Variants in TEX9 observed in about 807,000 individuals in gnomAD.
TEX9 encodes testis-expressed protein 9.
Under a neutral mutation model 59.6 loss-of-function variants are expected in TEX9, and 74 were observed. The observed-to-expected ratio is 1.24, with a 90% CI of 1.03 to 1.51. The LOEUF is 1.51. Among genes scored for constraint, TEX9 ranks in the 40% most tolerant of loss-of-function variants. The pLI is 0.00. For synonymous variants in TEX9, 186 were observed against 152.2 expected (o/e 1.22, Z -1.64); for missense variants, 522 against 447.8 (o/e 1.17, Z -1.49).
chr15:56,361,667 G>A (rs772982299), upstream of TEX9, among the ~76,000 whole-genome samples: 8 of 152,100 alleles, frequency 5.3e-5, no homozygotes, highest in Non-Finnish European at 8.8e-5. Context: ...CTTTACAGAT[G>A]TAATCACGTT....
At chr15:56,271,146 G>A (rs553857298) in intron 1 of TEX9, among the ~76,000 whole-genome samples, 1 of 152,154 alleles carries the variant, frequency 6.6e-6, no homozygotes, top group Non-Finnish European at 1.5e-5. Flanking sequence ...TATCTTTGTG[G>A]TGGTCTCTGT....
chr15:56,444,598 C>T (rs532301407), intron 12 of TEX9: 1 of 1,613,038 alleles, frequency 6.2e-7, no homozygotes, highest in Admixed American at 1.7e-5. Flanking sequence ...TTTCGTTTGT[C>T]TTCTGCAGCA....
chr15:56,394,345 C>A, intron 8 of TEX9, 98 bp downstream of exon 8: 1 of 1,081,046 alleles, frequency 9.3e-7, no homozygotes, highest in East Asian at 2.7e-5. Flanking sequence ...AGATATAAAT[C>A]ATAGTTAAAT....
intron 1 of TEX9, among the ~76,000 whole-genome samples, chr15:56,269,445 T>A (rs2044470107): frequency 6.6e-6 from 1 of 152,176 alleles, no homozygotes; most frequent in South Asian, 2.1e-4. Context: ...TCCTGCTTTC[T>A]CTTGTGGGCA....
At chr15:56,271,517 T>C (rs1173892490) in intron 1 of TEX9, among the ~76,000 whole-genome samples, 1 of 152,148 alleles carries the variant, frequency 6.6e-6, no homozygotes, top group East Asian at 1.9e-4. Context: ...CAGGCTGGTC[T>C]CAAACTCTTG....
At chr15:56,300,586 G>A (rs1030468323) in intron 1 of TEX9, among the ~76,000 whole-genome samples, 3 of 152,084 alleles carry the variant, frequency 2.0e-5, no homozygotes, top group Non-Finnish European at 2.9e-5. Flanking sequence ...CCCTGTGTGA[G>A]ACCCAGTATT....
At chr15:56,307,628 G>T (rs2045514148) in intron 1 of TEX9, among the ~76,000 whole-genome samples, 2 of 152,168 alleles carry the variant, frequency 1.3e-5, no homozygotes, top group African/African-American at 2.4e-5. Flanking sequence ...ATCATTCAAT[G>T]CAGTGGTTTT....
At chr15:56,249,515 G>A in intron 1 of TEX9, among the ~76,000 whole-genome samples, 1 of 151,764 alleles carries the variant, frequency 6.6e-6, no homozygotes, top group South Asian at 2.1e-4. Flanking sequence ...TGAGACAGGT[G>A]GATCACAAGG....
intron 1 of TEX9, among the ~76,000 whole-genome samples, chr15:56,322,667 T>C (rs1192826348): frequency 6.6e-6 from 1 of 152,182 alleles, no homozygotes; most frequent in Admixed American, 6.6e-5. Flanking sequence ...GTATGATTTT[T>C]CTCTAGCGAT....
chr15:56,417,113 T>G (rs1281550574), intron 10 of TEX9, among the ~76,000 whole-genome samples: 1 of 151,590 alleles, frequency 6.6e-6, no homozygotes, highest in Non-Finnish European at 1.5e-5. Flanking sequence ...CTAGTCTACC[T>G]AGTGGCCTAT....
At chr15:56,431,312 A>G in intron 12 of TEX9, 2 of 1,572,546 alleles carry the variant, frequency 1.3e-6, no homozygotes, top group Non-Finnish European at 1.7e-6. Flanking sequence ...AAATCCAAAT[A>G]CCATGTTTTT....
At chr15:56,446,939 C>T (rs761719424), downstream of TEX9, 4 of 1,605,256 alleles carry the variant, frequency 2.5e-6, no homozygotes, top group South Asian at 1.1e-5. Context: ...TCTCTAAGCT[C>T]AATGCTGTTT....
intron 1 of TEX9, among the ~76,000 whole-genome samples, chr15:56,339,945 T>C (rs2046340877): frequency 6.6e-6 from 1 of 152,098 alleles, no homozygotes; most frequent in African/African-American, 2.4e-5. Context: ...CTGTTGTTTA[T>C]AAGACACTCA....
At chr15:56,404,839 A>G (rs2048995630) in intron 9 of TEX9, among the ~76,000 whole-genome samples, 1 of 152,142 alleles carries the variant, frequency 6.6e-6, no homozygotes, top group African/African-American at 2.4e-5. Context: ...GCAGGGACAT[A>G]GATGAAGCTG....
intron 9 of TEX9, among the ~76,000 whole-genome samples, chr15:56,401,724 A>C (rs905240398): frequency 6.6e-6 from 1 of 152,178 alleles, no homozygotes; most frequent in Non-Finnish European, 1.5e-5. Context: ...TGACCACAAA[A>C]TTGGAAGTAA....
chr15:56,302,988 G>A (rs1430432635), intron 1 of TEX9, among the ~76,000 whole-genome samples: 3 of 152,106 alleles, frequency 2.0e-5, no homozygotes, highest in African/African-American at 7.2e-5. Context: ...TTATAAAGGG[G>A]TCAATTCAAC....
chr15:56,263,431 A>G (rs989529441), intron 1 of TEX9, among the ~76,000 whole-genome samples: 1 of 151,796 alleles, frequency 6.6e-6, no homozygotes, highest in African/African-American at 2.4e-5. Context: ...TACGTTTGCC[A>G]TTTTGTTTCT....
the TEX9 span, among the ~76,000 whole-genome samples, chr15:56,457,912 C>G: frequency 6.6e-6 from 1 of 151,946 alleles, no homozygotes; most frequent in African/African-American, 2.4e-5. Flanking sequence ...ATTTAAAAAC[C>G]TGTATACAAA....
At chr15:56,335,711 A>G (rs1486389672) in intron 1 of TEX9, among the ~76,000 whole-genome samples, 1 of 152,174 alleles carries the variant, frequency 6.6e-6, no homozygotes, top group Non-Finnish European at 1.5e-5. Context: ...CATTTACCCT[A>G]ATATAATCAT....
Sources: allele counts gnomAD v4.1 joint callset (sites outside exome capture counted in the v4.1 genomes callset), GRCh38; gene constraint gnomAD v4.1.1; transcripts MANE v1.5; gene names NCBI Gene and HGNC (gene_info 2026-07-23, HGNC 2026-07-21).